Variants in CCDC18 observed in about 807,000 individuals in gnomAD.
The protein encoded by CCDC18 is coiled-coil domain-containing protein 18.
Under a neutral mutation model 196.0 loss-of-function variants are expected in CCDC18, and 157 were observed. The ratio of observed to expected loss-of-function variants is 0.80; its 90% confidence interval spans 0.70 to 0.91. The LOEUF is 0.91. Among genes scored for constraint, CCDC18 ranks in the 40% least tolerant of loss-of-function variants. CCDC18 has a pLI of 0.00. For missense variants in CCDC18, 1,465 were observed against 1,611.6 expected, an observed-to-expected ratio of 0.91 and a Z score of 1.56; for synonymous variants, 482 against 529.2, an observed-to-expected ratio of 0.91 and a Z score of 1.22.
chr1:93,229,681 C>T (rs977682246), intron 17 of CCDC18, among the ~76,000 whole-genome samples: 2 of 152,122 alleles, frequency 1.3e-5, no homozygotes, highest in Admixed American at 1.3e-4. Context: ...GCTTTTGCCT[C>T]AGCCACATAT....
chr1:93,233,296 T>G (rs1659526906), intron 18 of CCDC18, among the ~76,000 whole-genome samples: 1 of 152,216 alleles, frequency 6.6e-6, no homozygotes, highest in South Asian at 2.1e-4. Context: ...AAATTATTAC[T>G]TACTTGAATG....
At chr1:93,203,730 C>G (rs1168548309) in intron 7 of CCDC18, among the ~76,000 whole-genome samples, 1 of 152,006 alleles carries the variant, frequency 6.6e-6, no homozygotes, top group Non-Finnish European at 1.5e-5. Flanking sequence ...ACTCAGCAGG[C>G]TGAGGTAGAA....
chr1:93,180,372 G>T (rs1177132695), upstream of CCDC18: 6 of 1,308,198 alleles, frequency 4.6e-6, no homozygotes, highest in Non-Finnish European at 5.2e-6. Flanking sequence ...GGCGGCCGCG[G>T]CGGCGGCGAA....
intron 28 of CCDC18, among the ~76,000 whole-genome samples, chr1:93,275,408 C>T (rs1665569369): frequency 1.3e-5 from 2 of 152,062 alleles, no homozygotes; most frequent in Non-Finnish European, 1.5e-5. Flanking sequence ...CGCACCTGGC[C>T]TGAAAGAGAC....
chr1:93,226,940 T>C (rs1046196643), intron 17 of CCDC18, among the ~76,000 whole-genome samples: 4 of 152,184 alleles, frequency 2.6e-5, no homozygotes, highest in African/African-American at 9.6e-5. Context: ...AAATAGAATA[T>C]ACCTTAAAAT....
chr1:93,276,761 G>A (rs1397781113), intron 28 of CCDC18, among the ~76,000 whole-genome samples: 3 of 152,046 alleles, frequency 2.0e-5, no homozygotes, highest in African/African-American at 4.8e-5. Context: ...ATGTTAAACT[G>A]CTTTTATATG....
At chr1:93,180,611 C>G, upstream of CCDC18, 1 of 1,347,944 alleles carries the variant, frequency 7.4e-7, no homozygotes, top group Non-Finnish European at 9.8e-7. Context: ...TGGGCTCGGG[C>G]GCGCTCGCCG....
rs758564108 is a variant in CCDC18 at position 93,246,196 on chromosome 1, G to A, written c.3073G>A (p.Ala1025Thr). 9 of 1,598,964 alleles carry A rather than the reference G, an allele frequency of 5.6e-6. No homozygotes were observed. In the African/African-American group the frequency reaches 1.2e-4, roughly 22 times the overall value. The change falls in exon 22 of 29, where the codon GCA (alanine) becomes ACA (threonine). Residue 1025 changes from alanine (A) to threonine (T), a missense_variant. By Grantham distance (58) the Ala-to-Thr change is moderately conservative. Transcript: ENST00000690025. ...KERNWELKQR[A>T]AQVTHLDMTI... ...GAGAAATTGGGAACTAAAGCAAAGAGCAGCTCAGGTTGATTTTTCTTGATT... is the reference window on the plus strand; with the variant it reads ...GAGAAATTGGGAACTAAAGCAAAGAACAGCTCAGGTTGATTTTTCTTGATT...
intron 6 of CCDC18, among the ~76,000 whole-genome samples, chr1:93,201,031 G>A (rs543529470): frequency 6.6e-6 from 1 of 152,146 alleles, no homozygotes. Context: ...TCAAATAGAC[G>A]TACTTAACCA....
intron 17 of CCDC18, among the ~76,000 whole-genome samples, chr1:93,231,699 T>A (rs1340788354): frequency 6.6e-6 from 1 of 152,236 alleles, no homozygotes; most frequent in Non-Finnish European, 1.5e-5. Context: ...GAGACCATCA[T>A]ATTCAAGTCC....
chr1:93,216,426 CTTAA>C (rs1179418768), intron 12 of CCDC18, among the ~76,000 whole-genome samples: 2 of 152,060 alleles, frequency 1.3e-5, no homozygotes, highest in Non-Finnish European at 2.9e-5. Flanking sequence ...TGTTTTTCTT[CTTAA>C]TTGTCACTTA....
At chr1:93,278,167 T>A (rs1407506264) in intron 28 of CCDC18, among the ~76,000 whole-genome samples, 2 of 151,970 alleles carry the variant, frequency 1.3e-5, no homozygotes, top group African/African-American at 4.8e-5. Context: ...TTGTATGTTT[T>A]AGTAGAGACA....
At chr1:93,205,320 T>A (rs1654545515) in intron 7 of CCDC18, among the ~76,000 whole-genome samples, 190 bp from the exon 8 acceptor site, 1 of 152,198 alleles carries the variant, frequency 6.6e-6, no homozygotes, top group Non-Finnish European at 1.5e-5. Flanking sequence ...TAGTAGTGTC[T>A]TTTTCTCTGT....
At position 93,239,853 on chromosome 1, in the gene CCDC18, G is replaced by A. The variant is rs371617051; in HGVS notation, c.2938G>A (p.Glu980Lys). 109 of 1,612,584 alleles carry A rather than the reference G, an allele frequency of 6.8e-5. No individual in the cohort carries two copies. Among genetic ancestry groups the A allele is most frequent in the Non-Finnish European group, 8.7e-5 (103 of 1,179,136 alleles). ...ACTACAGAAGGCTCAATTATCATTA[G>A]AGGAAAAATACACTACTATAAAGGA... ...DVLQKAQLSL[E>K]EKYTTIKDLT... The change falls in exon 21 of 29, where the codon GAG becomes AAG. Residue 980 changes from glutamate (E) to lysine (K), a missense_variant. Physicochemically the swap from Glu to Lys is moderately conservative, Grantham distance 56. Coordinates refer to ENST00000690025, the MANE Select transcript of CCDC18 (RefSeq NM_001378204.1).
chr1:93,269,345 C>T (rs1664973315), intron 27 of CCDC18, among the ~76,000 whole-genome samples: 2 of 151,164 alleles, frequency 1.3e-5, no homozygotes, highest in South Asian at 4.2e-4. Flanking sequence ...TTAATGGGTG[C>T]AGCACACCAA....
At position 93,186,476 on chromosome 1, in the gene CCDC18, C is replaced by T; in HGVS notation, c.435C>T (p.His145=). The stretch of plus-strand genomic sequence containing the variant: ...TAATGACTAAATTTGAATCTATTCA[C>T]TTTGAATTAACACAGTCAAGAGCAA... ...HSLMTKFESI[H]FELTQSRAKV... Residue 145 remains histidine (H), a synonymous_variant, in exon 4 of 29, where the codon CAC becomes CAT. Coordinates refer to ENST00000690025, the MANE Select transcript of CCDC18 (RefSeq NM_001378204.1). 2.5e-6 allele frequency: 4 copies of T among 1,609,610 alleles called. No homozygotes were observed. The highest frequency in any genetic ancestry group is 3.4e-6 in the Non-Finnish European group (4 of 1,177,784).
chr1:93,218,482 G>A (rs1003481167), intron 14 of CCDC18, among the ~76,000 whole-genome samples: 1 of 151,914 alleles, frequency 6.6e-6, no homozygotes, highest in Non-Finnish European at 1.5e-5. Flanking sequence ...ATAAAAGTGT[G>A]TTCTCTCTCT....
At position 93,232,462 on chromosome 1, in the gene CCDC18, C is replaced by G. The variant is rs755358660; in HGVS notation, c.2329C>G (p.His777Asp). The change falls in exon 18 of 29, where the codon CAC becomes GAC. Residue 777 changes from histidine to aspartate, a missense_variant. By Grantham distance (81) the His-to-Asp change is moderately conservative. Transcript: ENST00000690025. ...ACAGAAAGAGCTAAAGATAAAAAAT[C>G]ACAGTCTTCAAGAGACTTCTGAGCA... ...CLQKELKIKN[H>D]SLQETSEQNV... 1.9e-5 allele frequency: 30 copies of G among 1,606,964 alleles called. 1 individual carries two copies. Among genetic ancestry groups the G allele is most frequent in the Non-Finnish European group, 1.7e-6 (2 of 1,175,904 alleles).
chr1:93,268,152 C>T (rs979968769), intron 27 of CCDC18, among the ~76,000 whole-genome samples: 6 of 152,068 alleles, frequency 3.9e-5, no homozygotes, highest in Admixed American at 2.6e-4. Flanking sequence ...CTTTGACAAA[C>T]CTGACAAAAA....
Sources: allele counts gnomAD v4.1 joint callset (sites outside exome capture counted in the v4.1 genomes callset), GRCh38; gene constraint gnomAD v4.1.1; transcripts MANE v1.5; gene names NCBI Gene and HGNC (gene_info 2026-07-23, HGNC 2026-07-21).